PEX1: variants seen among roughly 807,000 people sequenced by gnomAD.
PEX1 encodes the protein peroxisomal ATPase PEX1.
Under a neutral mutation model 152.5 loss-of-function variants are expected in PEX1, and 97 were observed. The ratio of observed to expected loss-of-function variants is 0.64; its 90% CI spans 0.54 to 0.75. The LOEUF (loss-of-function observed/expected upper bound fraction) is 0.75, where lower values mean the gene tolerates loss of function less well. PEX1 is among the 30% of genes least tolerant of loss of function. The pLI is 0.00. For synonymous variants in PEX1, 485 were observed against 531.6 expected (o/e 0.91, Z 1.21); for missense variants, 1,357 against 1,516.3 (o/e 0.89, Z 1.74).
intron 5 of PEX1, among the ~76,000 whole-genome samples, chr7:92,515,106 T>G: frequency 3.6e-5 from 1 of 28,040 alleles, no homozygotes; most frequent in Non-Finnish European, 7.7e-5. Flanking sequence ...TATATATATA[T>G]ATATATATAT....
rs752090823 is a variant in PEX1, at chr7:92,491,268, AT to A, written c.3438+3del. On this transcript the variant is annotated splice_donor_region_variant and intron_variant, in intron 21 of 23. Coordinates refer to ENST00000248633, the MANE Select transcript of PEX1 (RefSeq NM_000466.3). ...AACTGTATAATGATGACTGCACAAGATACCAAATCAGAAGAGGTTCCATTTC... is the reference window on the plus strand; with the variant it reads ...AACTGTATAATGATGACTGCACAAGAACCAAATCAGAAGAGGTTCCATTTC... The A allele has an allele frequency of 6.4e-7, 1 of 1,570,360 alleles. No homozygotes were observed. The highest frequency in any genetic ancestry group is 1.1e-5 in the South Asian group (1 of 90,204).
At chr7:92,488,737 T>TC (rs918593885) in intron 23 of PEX1, among the ~76,000 whole-genome samples, 36 of 151,770 alleles carry the variant, frequency 2.4e-4, no homozygotes, top group Middle Eastern at 3.4e-3. Context: ...AAATTTTTTT[T>TC]TTTTTTTTTT....
intron 10 of PEX1, 140 bp from the exon 11 acceptor site, chr7:92,506,484 C>T (rs1018543530): frequency 8.3e-5 from 56 of 675,882 alleles, no homozygotes; most frequent in Middle Eastern, 5.2e-4. Flanking sequence ...GAGAATACTT[C>T]CCATCTCATT....
intron 2 of PEX1, 77 bp from the exon 3 acceptor site, chr7:92,519,155 T>TGA: frequency 1.2e-6 from 1 of 813,298 alleles, no homozygotes. Flanking sequence ...GAAGTTATCT[T>TGA]CTTACCATTT....
At chr7:92,506,038 G>GA (rs1221048069) in intron 11 of PEX1, among the ~76,000 whole-genome samples, 5 of 149,150 alleles carry the variant, frequency 3.4e-5, no homozygotes, top group Non-Finnish European at 6.0e-5. Context: ...GTTCTGGCTA[G>GA]AAAAAAAAAT....
At chr7:92,497,306 T>C (rs1417302081) in intron 16 of PEX1, among the ~76,000 whole-genome samples, 1 of 152,192 alleles carries the variant, frequency 6.6e-6, no homozygotes, top group Non-Finnish European at 1.5e-5. Flanking sequence ...AATAAGTGAA[T>C]GGTGTAAGAA....
chr7:92,501,742 C>T (rs1485923913), intron 14 of PEX1, 69 bp from the exon 15 acceptor site: 20 of 1,427,090 alleles, frequency 1.4e-5, no homozygotes, highest in African/African-American at 2.8e-5. Flanking sequence ...AATATGCCAT[C>T]ATCTTAGCTG....
At chr7:92,506,898 A>G in intron 10 of PEX1, 96 bp downstream of exon 10, 21 of 1,288,202 alleles carry the variant, frequency 1.6e-5, no homozygotes, top group Non-Finnish European at 2.4e-5. Flanking sequence ...TAGATGGTCA[A>G]AACCCACCCT....
At chr7:92,522,345 G>T in intron 1 of PEX1, 100 bp from the exon 2 acceptor site, 1 of 1,157,386 alleles carries the variant, frequency 8.6e-7, no homozygotes, top group Non-Finnish European at 1.3e-6. Context: ...TCCAAAAAGA[G>T]TTCTATAGAT....
chr7:92,527,607 C>T (rs922980722), intron 1 of PEX1, among the ~76,000 whole-genome samples: 1 of 152,242 alleles, frequency 6.6e-6, no homozygotes, highest in African/African-American at 2.4e-5. Context: ...TTCAAATACG[C>T]CGTCCTTTTG....
Position 92,517,344 on chromosome 7 carries a change from G to T in PEX1, c.1171C>A (p.Leu391Ile). The change falls in exon 5 of 24, where the codon CTT becomes ATT. Residue 391 changes from leucine (L) to isoleucine (I), a missense_variant. By Grantham distance (5) the Leu-to-Ile change is conservative. Transcript: ENST00000248633. ...ACVLQVVWNG[L>I]EELNNAIKYT... ...TTGATGGCATTGTTCAATTCTTCAA[G>T]TCCATTCCAGACTACTTGTAGCACA... 8 of 1,613,528 alleles carry T rather than the reference G, an allele frequency of 5.0e-6. No homozygotes were observed. Among genetic ancestry groups the T allele is most frequent in the Non-Finnish European group, 6.8e-6 (8 of 1,179,636 alleles).
In PEX1 at chr7:92,518,129, A is replaced by G. The variant is rs773193969; in HGVS notation, c.472+12T>C. 6.2e-7 allele frequency: 1 copy of G among 1,605,812 alleles called. No homozygotes were observed. On this transcript the variant is annotated intron_variant, in intron 4 of 23. Coordinates refer to ENST00000248633, the MANE Select transcript of PEX1 (RefSeq NM_000466.3). ...TGTAGAATATGACAGCAAATATTAC[A>G]ATAGCACCTACCAATTTGGATAAAT... is the stretch of plus-strand genomic sequence containing the variant.
In PEX1 at chr7:92,517,904, C is replaced by T. The variant is rs369126779; in HGVS notation, c.611G>A (p.Arg204Lys). ...AEYKKLHSYG[R>K]DQKGMMKELQ... ...TTCTTTCATCATTCCTTTCTGGTCT[C>T]TTCCATAACTATGAAGTTTTTTATA... The change falls in exon 5 of 24, where the codon AGA becomes AAA. Residue 204 changes from arginine (R) to lysine (K), a missense_variant. Arg to Lys is a conservative substitution (Grantham distance 26). Coordinates refer to ENST00000248633, the MANE Select transcript of PEX1 (RefSeq NM_000466.3). 8 of 1,568,176 alleles carry T rather than the reference C, an allele frequency of 5.1e-6. No homozygotes were observed. In the African/African-American group the frequency reaches 8.2e-5, roughly 16 times the overall value.
At chr7:92,525,670 AC>A (rs1301389782) in intron 1 of PEX1, among the ~76,000 whole-genome samples, 2 of 152,222 alleles carry the variant, frequency 1.3e-5, no homozygotes, top group African/African-American at 4.8e-5. Context: ...AGCCCCCAAA[AC>A]AAAAAATTAT....
chr7:92,507,410 G>T (rs1343163244), intron 9 of PEX1: 2 of 334,208 alleles, frequency 6.0e-6, no homozygotes, highest in Non-Finnish European at 1.1e-5. Context: ...AGCTGATTGG[G>T]TTTTTTGTGT....
chr7:92,500,266 T>A (rs1791863668), intron 15 of PEX1, among the ~76,000 whole-genome samples: 1 of 152,178 alleles, frequency 6.6e-6, no homozygotes, highest in Non-Finnish European at 1.5e-5. Context: ...GCTGAACAAA[T>A]AATCGACTGC....
intron 20 of PEX1, among the ~76,000 whole-genome samples, chr7:92,492,447 G>A (rs1350036822): frequency 2.0e-5 from 3 of 152,188 alleles, no homozygotes; most frequent in Non-Finnish European, 2.9e-5. Context: ...GATTACAGGC[G>A]TGAACCACTG....
intron 5 of PEX1, among the ~76,000 whole-genome samples, chr7:92,516,134 G>T (rs141895820): frequency 2.7e-5 from 4 of 150,522 alleles, no homozygotes; most frequent in Non-Finnish European, 5.9e-5. Context: ...TTTAGAAAAT[G>T]ATGTAGGCCG....
Position 92,510,757 on chromosome 7 carries a change from A to G in PEX1, c.1587+187T>C. The G allele has an allele frequency of 1.1e-5, 5 of 454,028 alleles. No individual in the cohort carries two copies. In the East Asian group the frequency reaches 1.5e-4, roughly 14 times the overall value. 28.1% of individuals were successfully genotyped at this position (454,028 alleles called of 1,614,324 possible). A position where few individuals can be genotyped will look rare whatever the true frequency, so the allele number is the denominator to read the frequency against. On this transcript the variant is annotated intron_variant, in intron 8 of 23. Coordinates refer to ENST00000248633, the MANE Select transcript of PEX1 (RefSeq NM_000466.3). Reference sequence around the variant, plus strand: ...GGCATTCATTTTTAAATTTAGGTTAAGTCAATAATTTGTACAGATAATTTA... The same window carrying G: ...GGCATTCATTTTTAAATTTAGGTTAGGTCAATAATTTGTACAGATAATTTA...
Sources: allele counts gnomAD v4.1 joint callset (sites outside exome capture counted in the v4.1 genomes callset), GRCh38; gene constraint gnomAD v4.1.1; transcripts MANE v1.5; gene names NCBI Gene and HGNC (gene_info 2026-07-23, HGNC 2026-07-21).